Variants in ABHD17B observed in about 807,000 individuals in gnomAD.
ABHD17B encodes the protein abhydrolase domain containing 17B, depalmitoylase.
In ABHD17B, 9 loss-of-function variants were observed where a neutral mutation model predicts 26.2. The observed-to-expected ratio is 0.34, with a 90% CI of 0.21 to 0.60. The LOEUF (loss-of-function observed/expected upper bound fraction) is 0.60, where lower values mean the gene tolerates loss of function less well. Among genes scored for constraint, ABHD17B ranks in the 20% least tolerant of loss-of-function variants. ABHD17B has a pLI of 0.80. For synonymous variants in ABHD17B, 127 were observed against 122.3 expected (o/e 1.04, Z -0.25); for missense variants, 224 against 352.1 (o/e 0.64, Z 2.91).
At chr9:71,869,005 GTGT>G (rs1024736895) in intron 3 of ABHD17B, among the ~76,000 whole-genome samples, 3 of 152,126 alleles carry the variant, frequency 2.0e-5, no homozygotes, top group Non-Finnish European at 4.4e-5. Flanking sequence ...TTTATTTTTA[GTGT>G]TGCTCTCTGT....
rs367640570 is a variant in ABHD17B at position 71,906,599 on chromosome 9, C to T, written c.-4+4035G>A. Among the ~76,000 whole-genome samples, 15 of 152,246 alleles carry T rather than the reference C, an allele frequency of 9.9e-5. 1 individual carries two copies. The highest frequency in any genetic ancestry group is 5.2e-4 in the Admixed American group (8 of 15,292). On this transcript the variant is annotated intron_variant, in intron 1 of 3. Coordinates refer to ENST00000333421, the MANE Select transcript of ABHD17B (RefSeq NM_001025780.3). ...TTGGGATACTGAGGAGGGAGGATCA[C>T]TTGAGGCCAGGAGTTCAAGATCAGC...
At chr9:71,880,442 T>G (rs998957446) in intron 1 of ABHD17B, among the ~76,000 whole-genome samples, 9 of 152,040 alleles carry the variant, frequency 5.9e-5, no homozygotes, top group African/African-American at 2.2e-4. Flanking sequence ...CTTCCAATGT[T>G]AAACCAAAGT....
intron 1 of ABHD17B, among the ~76,000 whole-genome samples, chr9:71,902,167 C>A (rs1354582812): frequency 6.6e-6 from 1 of 152,192 alleles, no homozygotes; most frequent in Non-Finnish European, 1.5e-5. Context: ...TCTGTTTAAG[C>A]TGTACTTCCT....
intron 2 of ABHD17B, among the ~76,000 whole-genome samples, chr9:71,871,268 G>A (rs538266809): frequency 2.6e-5 from 4 of 152,310 alleles, no homozygotes; most frequent in South Asian, 2.1e-4. Context: ...GAAACTGTCC[G>A]TGTGTTCTCT....
intron 1 of ABHD17B, among the ~76,000 whole-genome samples, chr9:71,908,128 C>T (rs1179274954): frequency 2.0e-5 from 3 of 152,170 alleles, no homozygotes; most frequent in Admixed American, 1.3e-4. Flanking sequence ...AAGTGGCTCA[C>T]ACCTGTAATC....
chr9:71,887,082 G>A (rs1366433128), intron 1 of ABHD17B, among the ~76,000 whole-genome samples: 2 of 151,914 alleles, frequency 1.3e-5, no homozygotes, highest in Non-Finnish European at 2.9e-5. Context: ...CTGAACAAAC[G>A]CCTTAATAAT....
chr9:71,877,747 C>G (rs1826321508), intron 1 of ABHD17B, among the ~76,000 whole-genome samples: 1 of 152,184 alleles, frequency 6.6e-6, no homozygotes, highest in Admixed American at 6.5e-5. Context: ...TAATAAACTA[C>G]TTTTGAAATA....
chr9:71,868,884 TC>T (rs1826032758), intron 3 of ABHD17B, among the ~76,000 whole-genome samples: 2 of 152,114 alleles, frequency 1.3e-5, no homozygotes, highest in Admixed American at 1.3e-4. Context: ...AGACGGGGTT[TC>T]ACCATGTTGG....
intron 1 of ABHD17B, among the ~76,000 whole-genome samples, chr9:71,907,815 G>A (rs933860087): frequency 3.3e-5 from 5 of 152,164 alleles, no homozygotes; most frequent in Admixed American, 6.5e-5. Context: ...GAGCCTGGCC[G>A]GACACTTCGT....
intron 1 of ABHD17B, among the ~76,000 whole-genome samples, chr9:71,882,252 G>A (rs951017558): frequency 7.9e-5 from 12 of 152,206 alleles, no homozygotes; most frequent in Admixed American, 7.2e-4. Context: ...CTACTCTCAA[G>A]AGAAAGCAAA....
intron 3 of ABHD17B, 73 bp downstream of exon 3, chr9:71,870,010 T>G (rs1353837719): frequency 1.5e-6 from 2 of 1,337,738 alleles, no homozygotes; most frequent in Non-Finnish European, 2.1e-6. Flanking sequence ...GTGAACTGTG[T>G]CATGAATACT....
In ABHD17B at chr9:71,865,387, G is replaced by A. The variant is rs1391732717; in HGVS notation, c.*1400C>T. The A allele has an allele frequency of 1.0e-6, 1 of 983,546 alleles. No individual in the cohort carries two copies. Among genetic ancestry groups the A allele is most frequent in the East Asian group, 1.1e-4 (1 of 8,808 alleles). 60.9% of individuals were successfully genotyped at this position (983,546 alleles called of 1,614,324 possible). A position where few individuals can be genotyped will look rare whatever the true frequency, so the allele number is the denominator to read the frequency against. On this transcript the variant is annotated 3_prime_UTR_variant, in exon 4 of 4. Transcript: ENST00000333421. The stretch of plus-strand genomic sequence containing the variant: ...ATTAATTTTATTTTTATTTTTCATT[G>A]TTTTATTCAGACAGGGTTCATTCAA...
chr9:71,883,607 G>A (rs1826514133), intron 1 of ABHD17B, among the ~76,000 whole-genome samples: 1 of 152,210 alleles, frequency 6.6e-6, no homozygotes, highest in African/African-American at 2.4e-5. Flanking sequence ...AACATTGGTA[G>A]ATTTAGCTTC....
At chr9:71,895,345 T>TA (rs928782904) in intron 1 of ABHD17B, among the ~76,000 whole-genome samples, 1 of 152,222 alleles carries the variant, frequency 6.6e-6, no homozygotes, top group Non-Finnish European at 1.5e-5. Context: ...GAAGTGTTCT[T>TA]AGACCTGGAA....
chr9:71,865,567 TA>T lies in ABHD17B; in HGVS notation c.*1219del. 2 of 985,258 alleles carry T rather than the reference TA, an allele frequency of 2.0e-6. No individual in the cohort carries two copies. Among genetic ancestry groups the T allele is most frequent in the Non-Finnish European group, 2.4e-6 (2 of 829,866 alleles). 61.0% of individuals were successfully genotyped at this position (985,258 alleles called of 1,614,324 possible). ...AATCCAAAACAATAGGTCCTATTTT[TA>T]AAAATAGCTAAAGTGGGCCAGGCGC... On this transcript the variant is annotated 3_prime_UTR_variant, in exon 4 of 4. Transcript: ENST00000333421.
At chr9:71,899,074 A>T (rs2132197924) in intron 1 of ABHD17B, among the ~76,000 whole-genome samples, 1 of 151,844 alleles carries the variant, frequency 6.6e-6, no homozygotes, top group African/African-American at 2.4e-5. Flanking sequence ...CAGTGAGCCG[A>T]GATTGTGCCA....
intron 1 of ABHD17B, among the ~76,000 whole-genome samples, chr9:71,892,696 G>A (rs1227797145): frequency 6.6e-6 from 1 of 152,020 alleles, no homozygotes; most frequent in Non-Finnish European, 1.5e-5. Context: ...GTGCAGAGGT[G>A]AGAGAGTAAG....
chr9:71,895,771 G>A (rs181292523), intron 1 of ABHD17B, among the ~76,000 whole-genome samples: 2 of 152,128 alleles, frequency 1.3e-5, no homozygotes, highest in African/African-American at 4.8e-5. Context: ...TGGATGGTTC[G>A]GAGCTAGGTA....
intron 1 of ABHD17B, among the ~76,000 whole-genome samples, chr9:71,904,354 T>G (rs1827224463): frequency 6.6e-6 from 1 of 152,204 alleles, no homozygotes; most frequent in African/African-American, 2.4e-5. Context: ...TTTCCCGTTT[T>G]TCAGCTTTAG....
Sources: allele counts gnomAD v4.1 joint callset (sites outside exome capture counted in the v4.1 genomes callset), GRCh38; gene constraint gnomAD v4.1.1; transcripts MANE v1.5; gene names NCBI Gene and HGNC (gene_info 2026-07-23, HGNC 2026-07-21).